Variants in ABCG1 observed in about 807,000 individuals in gnomAD.
ABCG1 encodes ATP binding cassette subfamily G member 1, also known as ATP-binding cassette sub-family G member 1.
Under a neutral mutation model 69.2 loss-of-function variants are expected in ABCG1, and 29 were observed. The ratio of observed to expected loss-of-function variants is 0.42; its 90% CI spans 0.31 to 0.57. ABCG1 has a LOEUF of 0.57. ABCG1 is among the 20% of genes least tolerant of loss of function. The probability of loss-of-function intolerance (pLI) is 0.15; values close to 1 mark genes in which losing one functional copy is unlikely to be tolerated. For missense variants in ABCG1, 718 were observed against 898.1 expected (o/e 0.80, Z 2.56); for synonymous variants, 370 against 374.8 (o/e 0.99, Z 0.15).
chr21:42,268,386 T>TGCGC (rs1411173636), intron 2 of ABCG1, among the ~76,000 whole-genome samples: 7,412 of 142,682 alleles, frequency 0.052, 590 homozygotes, highest in African/African-American at 0.19. Flanking sequence ...TGTGTGTGTG[T>TGCGC]GTGCGCGCGC....
rs73364636 is a variant in ABCG1 at position 42,291,258 on chromosome 21, A to G, written c.1494+66A>G. On this transcript the variant is annotated intron_variant, in intron 12 of 14. Coordinates refer to ENST00000398449, the MANE Select transcript of ABCG1 (RefSeq NM_016818.3). The surrounding 1 kb of genome is among the most constrained non-coding windows in gnomAD (Gnocchi z 6.4). ...GTTCTCCTGTACACCCTTTATATCG[A>G]GTAAGAGGACCTGCCAGGGATGCAG... 7.4e-7 allele frequency: 1 copy of G among 1,359,966 alleles called. No homozygotes were observed. The highest frequency in any genetic ancestry group is 2.4e-5 in the East Asian group (1 of 42,546). 84.2% of individuals were successfully genotyped at this position (1,359,966 alleles called of 1,614,324 possible).
chr21:42,225,734 G>A lies in ABCG1; in HGVS notation c.106G>A (p.Val36Met), dbSNP rs778521666. The A allele has an allele frequency of 2.8e-5, 45 of 1,613,612 alleles. No individual in the cohort carries two copies. Among genetic ancestry groups the A allele is most frequent in the Admixed American group, 1.7e-5 (1 of 59,986 alleles). ...GTCGGTGTGTGTCTCGGTGGATGAG[G>A]TGGTGTCCAGCAACATGGAGGCCAC... ...PKSVCVSVDE[V>M]VSSNMEATET... The change falls in exon 2 of 15, where the codon GTG (valine) becomes ATG (methionine). Residue 36 changes from valine to methionine, a missense_variant. Coordinates refer to ENST00000398449, the MANE Select transcript of ABCG1 (RefSeq NM_016818.3).
chr21:42,269,197 C>A (rs916030277), intron 2 of ABCG1, among the ~76,000 whole-genome samples: 12 of 152,188 alleles, frequency 7.9e-5, no homozygotes, highest in Non-Finnish European at 1.6e-4. Flanking sequence ...CCTGAATAGA[C>A]AAGAGATGGT....
At chr21:42,282,660 G>A (rs561598329) in intron 6 of ABCG1, among the ~76,000 whole-genome samples, 51 of 152,348 alleles carry the variant, frequency 3.3e-4, no homozygotes, top group African/African-American at 9.9e-4. Context: ...GGCTTTGGGG[G>A]AAACGTCCTT....
intron 2 of ABCG1, chr21:42,256,059 T>C: frequency 9.9e-7 from 1 of 1,011,292 alleles, no homozygotes; most frequent in Non-Finnish European, 1.3e-6. Flanking sequence ...TCAGGTGCCT[T>C]GACTTGGATC....
chr21:42,236,454 GA>G (rs2067980072), intron 2 of ABCG1, among the ~76,000 whole-genome samples: 1 of 152,230 alleles, frequency 6.6e-6, no homozygotes, highest in Non-Finnish European at 1.5e-5. Context: ...TGTCTCTGGA[GA>G]CCAGGGCCTT....
In ABCG1 at chr21:42,284,593, C is replaced by T; in HGVS notation, c.768C>T (p.Val256=). 6.2e-7 allele frequency: 1 copy of T among 1,613,886 alleles called. No homozygotes were observed. Among genetic ancestry groups the T allele is most frequent in the East Asian group, 2.2e-5 (1 of 44,876 alleles). ...GLDSASCFQV[V]SLMKGLAQGG... ...ACAGCGCCTCCTGCTTCCAGGTGGT[C>T]TCGCTGATGAAAGGGCTCGCTCAAG... The change falls in exon 7 of 15, where the codon GTC becomes GTT. Residue 256 remains valine, a synonymous_variant. Transcript: ENST00000398449.
chr21:42,262,075 G>C (rs1365476250), intron 2 of ABCG1, among the ~76,000 whole-genome samples: 1 of 152,194 alleles, frequency 6.6e-6, no homozygotes, highest in African/African-American at 2.4e-5. Flanking sequence ...ATGTTCTGCA[G>C]GTAACCAGGA....
intron 3 of ABCG1, among the ~76,000 whole-genome samples, chr21:42,271,741 T>C (rs888940884): frequency 2.0e-5 from 3 of 152,046 alleles, no homozygotes; most frequent in African/African-American, 7.2e-5. Context: ...AAAAATTAGC[T>C]GGGCGTGGTG....
At chr21:42,212,842 C>T (rs890822826), upstream of ABCG1, among the ~76,000 whole-genome samples, 5 of 152,066 alleles carry the variant, frequency 3.3e-5, no homozygotes, top group Admixed American at 2.0e-4. Flanking sequence ...TACAGGTGCC[C>T]GCTACCATGC....
chr21:42,271,200 G>A lies in ABCG1; in HGVS notation c.404+13G>A. ...TGGCTGGATACAGGTGAGCAGCCCT[G>A]CCCAGGGCGCAAAGTTCTCTCCCGG... On this transcript the variant is annotated intron_variant, in intron 3 of 14. Transcript: ENST00000398449. 8.6e-6 allele frequency: 13 copies of A among 1,504,012 alleles called. No individual in the cohort carries two copies. Among genetic ancestry groups the A allele is most frequent in the Middle Eastern group, 3.5e-4 (2 of 5,706 alleles). 93.2% of individuals were successfully genotyped at this position (1,504,012 alleles called of 1,614,324 possible). A position where few individuals can be genotyped will look rare whatever the true frequency, so the allele number is the denominator to read the frequency against.
upstream of ABCG1, among the ~76,000 whole-genome samples, chr21:42,217,473 C>T (rs1247092718): frequency 6.6e-6 from 1 of 152,034 alleles, no homozygotes; most frequent in Non-Finnish European, 1.5e-5. Flanking sequence ...GCACTTTCCT[C>T]TCTGTGTTTT....
In ABCG1 at chr21:42,293,083, C is replaced by CT. The variant is rs1397354659; in HGVS notation, c.1653+1427_1653+1428insT. Among the ~76,000 whole-genome samples, 42 of 41,572 alleles carry CT rather than the reference C, an allele frequency of 1.0e-3. 2 individuals carry two copies. The highest frequency in any genetic ancestry group is 3.6e-3 in the African/African-American group (37 of 10,140). The allele number at this position is 41,572 out of a possible 152,430, so 27.3% of individuals were successfully genotyped here. Reference sequence around the variant, plus strand: ...CATACCACACTACACACACACCACACACACTACACACCACACACGGTACAC... The same window carrying CT: ...CATACCACACTACACACACACCACACTACACTACACACCACACACGGTACAC... On this transcript the variant is annotated intron_variant, in intron 13 of 14. Coordinates refer to ENST00000398449, the MANE Select transcript of ABCG1 (RefSeq NM_016818.3).
At chr21:42,218,839 C>A (rs72542411), upstream of ABCG1, among the ~76,000 whole-genome samples, 1 of 152,196 alleles carries the variant, frequency 6.6e-6, no homozygotes, top group Non-Finnish European at 1.5e-5. Context: ...AGTGGATTTC[C>A]GAGCCTGGGA....
At chr21:42,278,039 AAGAGCC>A (rs2068741511) in intron 5 of ABCG1, among the ~76,000 whole-genome samples, 1 of 152,220 alleles carries the variant, frequency 6.6e-6, no homozygotes, top group African/African-American at 2.4e-5. Flanking sequence ...TGCAGGTGGA[AAGAGCC>A]TAATGTCTGA....
chr21:42,254,760 G>A (rs146451134), intron 2 of ABCG1, among the ~76,000 whole-genome samples: 3 of 152,236 alleles, frequency 2.0e-5, no homozygotes, highest in Admixed American at 2.0e-4. Context: ...CTTTCTCTTG[G>A]GGAGGGAGGA....
chr21:42,280,159 G>A (rs1325333629), intron 5 of ABCG1, among the ~76,000 whole-genome samples: 1 of 152,246 alleles, frequency 6.6e-6, no homozygotes, highest in Non-Finnish European at 1.5e-5. Context: ...CCATGGCACA[G>A]GTGCATGCCT....
chr21:42,292,209 G>A (rs1269621190), intron 13 of ABCG1, among the ~76,000 whole-genome samples: 1 of 152,088 alleles, frequency 6.6e-6, no homozygotes, highest in African/African-American at 2.4e-5. Context: ...GACAAAAGCA[G>A]TGTTCCTGGG....
intron 2 of ABCG1, among the ~76,000 whole-genome samples, chr21:42,208,857 G>A (rs959859513): frequency 1.3e-5 from 2 of 152,162 alleles, no homozygotes; most frequent in Admixed American, 1.3e-4. Context: ...AGGACCTGAG[G>A]CAGAAGTTTC....
Sources: gnomAD v4.1 joint callset for allele counts (sites outside exome capture counted in the v4.1 genomes callset) on GRCh38, gnomAD v4.1.1 for gene constraint, Gnocchi (gnomAD v3.1) non-coding constraint, MANE v1.5 for transcripts, NCBI Gene and HGNC (gene_info 2026-07-23, HGNC 2026-07-21) for gene names.